ANO6: variants seen among roughly 807,000 people sequenced by gnomAD.
ANO6 encodes the protein anoctamin 6.
Under a neutral mutation model 117.5 loss-of-function variants are expected in ANO6, and 106 were observed. The observed-to-expected ratio is 0.90, with a 90% CI of 0.77 to 1.06. ANO6 has a LOEUF of 1.06. Ranked by LOEUF, ANO6 falls within the 50% of genes least tolerant of loss-of-function variation. ANO6 has a pLI of 0.00. For synonymous variants in ANO6, 367 were observed against 385.1 expected (o/e 0.95, Z 0.55); for missense variants, 955 against 1,121.1 (o/e 0.85, Z 2.12).
At chr12:45,265,618 C>A (rs1414187349) in intron 1 of ANO6, among the ~76,000 whole-genome samples, 3 of 152,170 alleles carry the variant, frequency 2.0e-5, no homozygotes, top group Non-Finnish European at 2.9e-5. Flanking sequence ...CTTTACCCAG[C>A]TGATCATCCA....
intron 1 of ANO6, chr12:45,292,945 G>A (rs1306786327): frequency 5.2e-6 from 8 of 1,551,330 alleles, no homozygotes; most frequent in East Asian, 2.4e-5. Flanking sequence ...GTAAGAACAT[G>A]TTCCTATTTG....
At chr12:45,357,259 T>A (rs778630561) in intron 7 of ANO6, 31 bp from the exon 8 acceptor site, 2 of 1,609,022 alleles carry the variant, frequency 1.2e-6, no homozygotes, top group Non-Finnish European at 1.7e-6. Flanking sequence ...ATTATTTGCA[T>A]CTTCTAAAAA....
chr12:45,392,673 T>G (rs958264263), intron 12 of ANO6, among the ~76,000 whole-genome samples: 5 of 152,172 alleles, frequency 3.3e-5, no homozygotes, highest in Non-Finnish European at 7.3e-5. Context: ...GCAGCAATAT[T>G]TGCTGTTCTG....
At chr12:45,296,297 C>T (rs531591300) in intron 1 of ANO6, among the ~76,000 whole-genome samples, 1 of 152,120 alleles carries the variant, frequency 6.6e-6, no homozygotes, top group Non-Finnish European at 1.5e-5. Context: ...ATGGGCCATT[C>T]CTTTGACATT....
intron 1 of ANO6, among the ~76,000 whole-genome samples, chr12:45,290,450 C>A (rs1238324607): frequency 6.6e-6 from 1 of 152,152 alleles, no homozygotes; most frequent in Admixed American, 6.5e-5. Flanking sequence ...TCACTATAAT[C>A]TGGGAACTGA....
chr12:45,265,782 T>C (rs924198676), intron 1 of ANO6, among the ~76,000 whole-genome samples: 54 of 152,178 alleles, frequency 3.5e-4, no homozygotes, highest in African/African-American at 1.2e-3. Flanking sequence ...ACCTGCAGGT[T>C]GGCTCCAACT....
chr12:45,336,873 G>GTGCT (rs1940841203), intron 3 of ANO6, among the ~76,000 whole-genome samples: 1 of 152,024 alleles, frequency 6.6e-6, no homozygotes, highest in African/African-American at 2.4e-5. Context: ...TGTTATCACA[G>GTGCT]GAGATGACAG....
intron 16 of ANO6, among the ~76,000 whole-genome samples, chr12:45,411,678 A>G (rs1368097453): frequency 2.6e-5 from 4 of 152,224 alleles, no homozygotes; most frequent in Non-Finnish European, 4.4e-5. Flanking sequence ...TCCGGAAAGC[A>G]AGCCTCCAGG....
intron 8 of ANO6, among the ~76,000 whole-genome samples, chr12:45,365,531 A>T (rs1941662361): frequency 6.6e-6 from 1 of 152,202 alleles, no homozygotes; most frequent in Admixed American, 6.5e-5. Flanking sequence ...AAGAATGGCA[A>T]ATCCTGCGCA....
chr12:45,324,118 G>A (rs1940381384), intron 2 of ANO6, among the ~76,000 whole-genome samples: 1 of 151,896 alleles, frequency 6.6e-6, no homozygotes, highest in Admixed American at 6.6e-5. Context: ...TGTATTTTTA[G>A]TAGAGACGGA....
rs533681353 is a variant in ANO6, at chr12:45,321,644, C to T, written c.151-9651C>T. Among the ~76,000 whole-genome samples the T allele has an allele frequency of 1.8e-3, 280 of 152,090 alleles. 1 individual carries two copies. The highest frequency in any genetic ancestry group is 6.8e-3 in the Middle Eastern group (2 of 294). ...GTTGTTTTCCTTGAAATGACAGTCG[C>T]GTGTTGTTCATTTTCGAGAAAGTAT... On this transcript the variant is annotated intron_variant, in intron 2 of 19. Transcript: ENST00000320560.
chr12:45,311,944 CAT>C, intron 2 of ANO6, among the ~76,000 whole-genome samples: 1 of 152,140 alleles, frequency 6.6e-6, no homozygotes, highest in Non-Finnish European at 1.5e-5. Context: ...CCTCATTTAA[CAT>C]ATTATTAGCA....
intron 15 of ANO6, among the ~76,000 whole-genome samples, chr12:45,408,045 G>C (rs1367546403): frequency 6.6e-6 from 1 of 152,176 alleles, no homozygotes; most frequent in African/African-American, 2.4e-5. Context: ...TCAGTGAAAA[G>C]TGAGCCCTGA....
At chr12:45,307,924 G>A (rs1193915247) in intron 2 of ANO6, among the ~76,000 whole-genome samples, 1 of 152,110 alleles carries the variant, frequency 6.6e-6, no homozygotes, top group Non-Finnish European at 1.5e-5. Context: ...GACAGGAGGG[G>A]TTTGGGTTGA....
chr12:45,381,946 G>A (rs1942179319), intron 10 of ANO6, among the ~76,000 whole-genome samples: 1 of 151,876 alleles, frequency 6.6e-6, no homozygotes, highest in Non-Finnish European at 1.5e-5. Flanking sequence ...TAGGTACTGA[G>A]TAAATGAGTG....
intron 19 of ANO6, among the ~76,000 whole-genome samples, chr12:45,439,039 T>C (rs1943740237): frequency 6.6e-6 from 1 of 152,256 alleles, no homozygotes; most frequent in Admixed American, 6.5e-5. Flanking sequence ...ATGTTAAGAA[T>C]GACAGTTGCT....
intron 5 of ANO6, 97 bp downstream of exon 5, chr12:45,348,412 AAAAG>A (rs1941198922): frequency 1.3e-5 from 21 of 1,574,450 alleles, no homozygotes; most frequent in Admixed American, 3.4e-5. Flanking sequence ...AAACTGCACA[AAAAG>A]AAAAGAAATA....
At chr12:45,428,154 A>G (rs1471319051) in intron 19 of ANO6, among the ~76,000 whole-genome samples, 1 of 152,210 alleles carries the variant, frequency 6.6e-6, no homozygotes, top group Non-Finnish European at 1.5e-5. Context: ...TTCAAGCACA[A>G]TAATGTTCAC....
chr12:45,348,674 C>G (rs778968056), intron 6 of ANO6, 43 bp downstream of exon 6: 4 of 1,441,322 alleles, frequency 2.8e-6, no homozygotes, highest in Middle Eastern at 3.5e-4. Context: ...CTTCTGTATA[C>G]TCTGGTGTTG....
Sources: gnomAD v4.1 joint callset for allele counts (sites outside exome capture counted in the v4.1 genomes callset) on GRCh38, gnomAD v4.1.1 for gene constraint, MANE v1.5 for transcripts, NCBI Gene and HGNC (gene_info 2026-07-23, HGNC 2026-07-21) for gene names.